NEGR1: variants seen among roughly 807,000 people sequenced by gnomAD.
NEGR1 encodes the protein IgLON family member 4.
Under a neutral mutation model 40.9 loss-of-function variants are expected in NEGR1, and 10 were observed. The ratio of observed to expected loss-of-function variants is 0.24; its 90% CI spans 0.15 to 0.42. NEGR1 has a LOEUF of 0.42. Among genes scored for constraint, NEGR1 ranks in the 10% least tolerant of loss-of-function variants. The pLI, the probability that NEGR1 is intolerant of heterozygous loss-of-function variation, is 1.00. For synonymous variants in NEGR1, 185 were observed against 166.8 expected, an observed-to-expected ratio of 1.11 and a Z score of -0.84; for missense variants, 352 against 438.9, an observed-to-expected ratio of 0.80 and a Z score of 1.77.
chr1:71,668,433 A>G (rs902464752), intron 4 of NEGR1, among the ~76,000 whole-genome samples: 1 of 152,158 alleles, frequency 6.6e-6, no homozygotes, highest in African/African-American at 2.4e-5. Flanking sequence ...TTTTTAGTAC[A>G]ACGATGAGCA....
intron 4 of NEGR1, among the ~76,000 whole-genome samples, chr1:71,683,012 AC>A (rs921353199): frequency 4.0e-4 from 2 of 4,946 alleles, no homozygotes; most frequent in African/African-American, 4.4e-4. Flanking sequence ...AGCCAAATAA[AC>A]TTTTTTTCTT....
chr1:72,199,993 C>A (rs1361340847), intron 1 of NEGR1, among the ~76,000 whole-genome samples: 1 of 151,768 alleles, frequency 6.6e-6, no homozygotes. Flanking sequence ...TCACACCAGT[C>A]AGAATGGTTA....
chr1:71,775,233 G>T (rs1364607240), intron 3 of NEGR1, among the ~76,000 whole-genome samples: 3 of 152,060 alleles, frequency 2.0e-5, no homozygotes, highest in Non-Finnish European at 2.9e-5. Flanking sequence ...TTCCATTTGA[G>T]CCTTTTGTCT....
At chr1:71,554,605 C>T (rs1237561412) in intron 6 of NEGR1, among the ~76,000 whole-genome samples, 4 of 151,490 alleles carry the variant, frequency 2.6e-5, no homozygotes, top group African/African-American at 7.3e-5. Context: ...CTCCAAAAAA[C>T]ACAAGATAGA....
chr1:71,696,950 A>T (rs1466556595), intron 4 of NEGR1, among the ~76,000 whole-genome samples: 2 of 151,872 alleles, frequency 1.3e-5, no homozygotes, highest in Non-Finnish European at 2.9e-5. Context: ...GAGACAGTTC[A>T]ACCCTAAGTA....
chr1:72,080,263 C>A (rs886649983), intron 1 of NEGR1, among the ~76,000 whole-genome samples: 2 of 151,874 alleles, frequency 1.3e-5, no homozygotes, highest in Non-Finnish European at 2.9e-5. Context: ...AATCTTGCAT[C>A]TTTATAGGCT....
intron 1 of NEGR1, among the ~76,000 whole-genome samples, chr1:72,038,778 A>C (rs534482825): frequency 3.8e-4 from 58 of 152,082 alleles, no homozygotes; most frequent in Non-Finnish European, 2.4e-4. Flanking sequence ...TATTTTAATA[A>C]AATAAATGAA....
At chr1:71,831,325 A>T (rs1421238771) in intron 2 of NEGR1, among the ~76,000 whole-genome samples, 1 of 151,908 alleles carries the variant, frequency 6.6e-6, no homozygotes, top group Non-Finnish European at 1.5e-5. Flanking sequence ...TTAGAGAGAA[A>T]AAAATTGCAA....
At chr1:71,435,119 A>C (rs1372631754) in intron 6 of NEGR1, among the ~76,000 whole-genome samples, 3 of 152,028 alleles carry the variant, frequency 2.0e-5, no homozygotes, top group South Asian at 2.1e-4. Context: ...ACAAAAAAAA[A>C]AAAAAAAGAG....
chr1:71,849,758 C>T (rs896862007), intron 2 of NEGR1, among the ~76,000 whole-genome samples: 2 of 152,142 alleles, frequency 1.3e-5, no homozygotes, highest in Non-Finnish European at 1.5e-5. Flanking sequence ...AACATGGAGG[C>T]AAGATCCTCC....
At chr1:71,597,630 A>AT (rs1649768512) in intron 5 of NEGR1, among the ~76,000 whole-genome samples, 1 of 151,668 alleles carries the variant, frequency 6.6e-6, no homozygotes, top group Non-Finnish European at 1.5e-5. Flanking sequence ...AATTTTCAGC[A>AT]TTGTGGCTGG....
At position 71,818,719 on chromosome 1, in the gene NEGR1, C is replaced by G. The variant is rs1658316269; in HGVS notation, c.410-42422G>C. On this transcript the variant is annotated intron_variant, in intron 2 of 6. Coordinates refer to ENST00000357731, the MANE Select transcript of NEGR1 (RefSeq NM_173808.3). The stretch of plus-strand genomic sequence containing the variant: ...GCTAAAAAATAATAAATAATAAATA[C>G]ATAAAAATAAACTATGTATAAAATC... Among the ~76,000 whole-genome samples, 3 of 151,824 alleles carry G rather than the reference C, an allele frequency of 2.0e-5. No individual in the cohort carries two copies. In the South Asian group the frequency reaches 6.2e-4, roughly 32 times the overall value.
At chr1:71,460,179 A>T (rs1280293592) in intron 6 of NEGR1, among the ~76,000 whole-genome samples, 1 of 152,224 alleles carries the variant, frequency 6.6e-6, no homozygotes, top group Non-Finnish European at 1.5e-5. Flanking sequence ...TTTCTCAAAA[A>T]ATTACATATC....
intron 2 of NEGR1, among the ~76,000 whole-genome samples, chr1:71,833,134 CTT>C (rs942961499): frequency 6.6e-6 from 1 of 151,684 alleles, no homozygotes; most frequent in Non-Finnish European, 1.5e-5. Context: ...ATATAGGCTA[CTT>C]TTTTTTGAGA....
chr1:71,974,938 A>G (rs1279213617), intron 1 of NEGR1, among the ~76,000 whole-genome samples: 1 of 152,184 alleles, frequency 6.6e-6, no homozygotes, highest in Non-Finnish European at 1.5e-5. Flanking sequence ...TTATGTTAAT[A>G]TTTCCTACAC....
At chr1:72,121,150 A>G (rs956527945) in intron 1 of NEGR1, among the ~76,000 whole-genome samples, 5 of 151,996 alleles carry the variant, frequency 3.3e-5, no homozygotes, top group Admixed American at 2.0e-4. Context: ...ATTGTGTTAC[A>G]TCTTTTACAA....
chr1:72,112,181 A>C (rs1001600854), intron 1 of NEGR1, among the ~76,000 whole-genome samples: 3 of 151,048 alleles, frequency 2.0e-5, no homozygotes, highest in Non-Finnish European at 4.4e-5. Context: ...CTCCAACGTA[A>C]GCATTAGCAA....
chr1:71,974,450 A>G (rs1365779714), intron 1 of NEGR1, among the ~76,000 whole-genome samples: 2 of 152,188 alleles, frequency 1.3e-5, no homozygotes, highest in African/African-American at 4.8e-5. Flanking sequence ...CCTCTGATAG[A>G]CTATTACACT....
intron 6 of NEGR1, among the ~76,000 whole-genome samples, chr1:71,549,509 A>T (rs1442155506): frequency 1.3e-5 from 2 of 151,740 alleles, no homozygotes; most frequent in Non-Finnish European, 3.0e-5. Context: ...AGGAGAGGAG[A>T]GCCAAAACTG....
Sources: gnomAD v4.1 joint callset for allele counts (sites outside exome capture counted in the v4.1 genomes callset) on GRCh38, gnomAD v4.1.1 for gene constraint, MANE v1.5 for transcripts, NCBI Gene and HGNC (gene_info 2026-07-23, HGNC 2026-07-21) for gene names.